The following ALAS1 variants were observed in gnomAD, a reference collection of about 807,000 sequenced individuals.
ALAS1 encodes 5'-aminolevulinate synthase 1.
A neutral mutation model predicts 59.6 loss-of-function variants in ALAS1; 29 were observed. The ratio of observed to expected loss-of-function variants is 0.49; its 90% CI spans 0.36 to 0.66. ALAS1 has a LOEUF of 0.66. Ranked by LOEUF, ALAS1 falls within the 30% of genes least tolerant of loss-of-function variation. The pLI is 0.00. For synonymous variants in ALAS1, 299 were observed against 296.6 expected, an observed-to-expected ratio of 1.01 and a Z score of -0.08; for missense variants, 690 against 807.5, an observed-to-expected ratio of 0.85 and a Z score of 1.76.
intron 11 of ALAS1, among the ~76,000 whole-genome samples, chr3:52,213,437 TATTTTTATAAAAGCCTTAAA>T (rs1361968786): frequency 5.3e-5 from 8 of 152,354 alleles, no homozygotes; most frequent in Admixed American, 1.3e-4. Flanking sequence ...TCTCTTTATT[TATTTTTATAAAAGCCTTAAA>T]ATTTTTATAA....
intron 1 of ALAS1, 62 bp downstream of exon 1, chr3:52,198,317 G>A: frequency 2.5e-6 from 1 of 405,630 alleles, no homozygotes; most frequent in East Asian, 3.5e-5. Flanking sequence ...CCTGCCAGCC[G>A]TGGCACCGCT....
chr3:52,203,830 G>A, intron 4 of ALAS1, 33 bp from the exon 5 acceptor site: 1 of 1,548,808 alleles, frequency 6.5e-7, no homozygotes, highest in Non-Finnish European at 8.7e-7. Flanking sequence ...ATAGAAAGTT[G>A]GTCCCATTTG....
rs761093598 is a variant in ALAS1 at position 52,199,230 on chromosome 3, T to C, written c.-12T>C. The C allele has an allele frequency of 6.2e-7, 1 of 1,614,234 alleles. No individual in the cohort carries two copies. Among genetic ancestry groups the C allele is most frequent in the Non-Finnish European group, 8.5e-7 (1 of 1,180,036 alleles). On this transcript the variant is annotated 5_prime_UTR_variant, in exon 3 of 12. Coordinates refer to ENST00000484952, the MANE Select transcript of ALAS1 (RefSeq NM_000688.6). ...ATCAGTCTTTCCACAGGAGCCAGCA[T>C]ACTTCCTGAACATGGAGAGTGTTGT...
intron 3 of ALAS1, among the ~76,000 whole-genome samples, chr3:52,200,196 C>T (rs988761216): frequency 1.2e-4 from 18 of 152,022 alleles, no homozygotes; most frequent in African/African-American, 3.6e-4. Context: ...GAAAAATTAC[C>T]ATTTTAAGCA....
rs771789280 is a variant in ALAS1, at chr3:52,208,255, T to C, written c.1330+8T>C. 1 of 1,613,284 alleles carries C rather than the reference T, an allele frequency of 6.2e-7. No homozygotes were observed. The highest frequency in any genetic ancestry group is 1.1e-5 in the South Asian group (1 of 91,018). On this transcript the variant is annotated splice_region_variant and intron_variant, in intron 9 of 11. Coordinates refer to ENST00000484952, the MANE Select transcript of ALAS1 (RefSeq NM_000688.6). ...TCATTTCTGGAACACTTGGTATGTA[T>C]ACATTGTATTACATACACTAAAATT...
At chr3:52,212,740 A>G (rs1021917102) in intron 11 of ALAS1, among the ~76,000 whole-genome samples, 13 of 152,104 alleles carry the variant, frequency 8.5e-5, no homozygotes, top group Admixed American at 6.5e-4. Flanking sequence ...CATGTTGGTC[A>G]GGCTGGTCTC....
intron 9 of ALAS1, among the ~76,000 whole-genome samples, chr3:52,210,917 A>G (rs567116583): frequency 6.6e-6 from 1 of 152,344 alleles, no homozygotes; most frequent in East Asian, 1.9e-4. Context: ...AACCTAGATT[A>G]TATAGCCTAC....
chr3:52,211,217 C>T (rs1699398219), intron 9 of ALAS1, 66 bp from the exon 10 acceptor site: 4 of 1,570,794 alleles, frequency 2.5e-6, no homozygotes, highest in Non-Finnish European at 3.5e-6. Flanking sequence ...CTCCACAACA[C>T]CTTGCTGTGT....
At chr3:52,205,257 A>G (rs1699270453) in intron 6 of ALAS1, among the ~76,000 whole-genome samples, 1 of 152,182 alleles carries the variant, frequency 6.6e-6, no homozygotes, top group African/African-American at 2.4e-5. Flanking sequence ...GAGAAATACG[A>G]ATCTAGCAGC....
chr3:52,207,785 G>A lies in ALAS1; in HGVS notation c.1166-298G>A, dbSNP rs142690702. Among the ~76,000 whole-genome samples the A allele has an allele frequency of 4.5e-3, 691 of 152,264 alleles. 5 individuals carry two copies. Among genetic ancestry groups the A allele is most frequent in the South Asian group, 0.027 (129 of 4,828 alleles). ...CTTAGGATGGCCTCTAGCTCCATCC[G>A]TATTGCTGTAAAGGACATGGTCTCA... On this transcript the variant is annotated intron_variant, in intron 8 of 11. Transcript: ENST00000484952.
intron 11 of ALAS1, among the ~76,000 whole-genome samples, chr3:52,212,672 C>T (rs1222685281): frequency 3.0e-4 from 45 of 152,240 alleles, no homozygotes; most frequent in South Asian, 2.1e-4. Context: ...GCTGGGATTA[C>T]AGCCATGCGC....
intron 1 of ALAS1, 36 bp from the exon 2 acceptor site, chr3:52,198,636 A>G: frequency 1.5e-6 from 1 of 654,178 alleles, no homozygotes; most frequent in South Asian, 1.8e-5. Flanking sequence ...GCTGGCCCTC[A>G]TACCCCTACC....
chr3:52,203,657 T>C (rs1307999290), intron 4 of ALAS1, among the ~76,000 whole-genome samples: 2 of 152,148 alleles, frequency 1.3e-5, no homozygotes, highest in Non-Finnish European at 2.9e-5. Context: ...AGCTGGCCAG[T>C]AGCTCTGAAA....
chr3:52,208,289 C>T (rs1699335829), intron 9 of ALAS1, 42 bp downstream of exon 9: 1 of 1,605,798 alleles, frequency 6.2e-7, no homozygotes, highest in African/African-American at 1.3e-5. Context: ...TTCCATTATC[C>T]TAACAAGGCC....
chr3:52,211,703 C>A, intron 10 of ALAS1, 152 bp downstream of exon 10: 1 of 1,158,746 alleles, frequency 8.6e-7, no homozygotes, highest in Non-Finnish European at 1.2e-6. Context: ...ATGTTTCCGC[C>A]ATTGGCTGAC....
chr3:52,211,648 C>G (rs1480158690), intron 10 of ALAS1, 97 bp downstream of exon 10: 2 of 1,520,068 alleles, frequency 1.3e-6, no homozygotes, highest in Non-Finnish European at 1.8e-6. Flanking sequence ...TGGGCTTGAG[C>G]GGGGTGACTG....
Position 52,202,406 on chromosome 3 carries a change from A to G in ALAS1, c.200-101A>G. On this transcript the variant is annotated intron_variant, in intron 3 of 11. Coordinates refer to ENST00000484952, the MANE Select transcript of ALAS1 (RefSeq NM_000688.6). ...GTCTGGATGGTGGGGTACAGTAAGTATTAAGTTTATCTTTGAGGCAATAAA... is the reference window on the plus strand; with the variant it reads ...GTCTGGATGGTGGGGTACAGTAAGTGTTAAGTTTATCTTTGAGGCAATAAA... The G allele has an allele frequency of 5.3e-6, 5 of 944,808 alleles. No homozygotes were observed. In the South Asian group the frequency reaches 7.3e-5, roughly 14 times the overall value. The allele number at this position is 944,808 out of a possible 1,614,324, so 58.5% of individuals were successfully genotyped here.
At chr3:52,205,025 C>T (rs971923150) in intron 6 of ALAS1, 110 bp downstream of exon 6, 1 of 901,036 alleles carries the variant, frequency 1.1e-6, no homozygotes, top group Non-Finnish European at 1.7e-6. Context: ...GAAAGTGTGC[C>T]ATAGCAAAAT....
In ALAS1 at chr3:52,198,184, G is replaced by C; in HGVS notation, c.-281G>C. The C allele has an allele frequency of 5.0e-6, 2 of 398,678 alleles. No homozygotes were observed. The highest frequency in any genetic ancestry group is 4.4e-5 in the Admixed American group (1 of 22,744). The allele number at this position is 398,678 out of a possible 1,614,324, so 24.7% of individuals were successfully genotyped here. On this transcript the variant is annotated 5_prime_UTR_variant, in exon 1 of 12. Transcript: ENST00000484952. ...GAGGCTGCTCCCGGACAAGGGCAACGAGCGTTTCGTTTGGACTTCTCGACT... is the reference window on the plus strand; with the variant it reads ...GAGGCTGCTCCCGGACAAGGGCAACCAGCGTTTCGTTTGGACTTCTCGACT...
Sources: gnomAD v4.1 joint callset for allele counts (sites outside exome capture counted in the v4.1 genomes callset) on GRCh38, gnomAD v4.1.1 for gene constraint, MANE v1.5 for transcripts, NCBI Gene and HGNC (gene_info 2026-07-23, HGNC 2026-07-21) for gene names.